Variants in TMEM231 observed in about 807,000 individuals in gnomAD.
TMEM231 encodes transmembrane protein 231.
TMEM231 carries 40 observed loss-of-function variants against 38.5 expected under a neutral mutation model. The ratio of observed to expected loss-of-function variants is 1.04; its 90% CI spans 0.81 to 1.35. TMEM231 has a LOEUF of 1.35. TMEM231 is among the 40% of genes most tolerant of loss of function. The pLI is 0.00. For synonymous variants in TMEM231, 199 were observed against 181.7 expected, an observed-to-expected ratio of 1.10 and a Z score of -0.77; for missense variants, 420 against 416.9, an observed-to-expected ratio of 1.01 and a Z score of -0.07.
intron 2 of TMEM231, among the ~76,000 whole-genome samples, chr16:75,548,367 C>G (rs1309991841): frequency 2.0e-5 from 3 of 152,188 alleles, no homozygotes; most frequent in African/African-American, 2.4e-5. Flanking sequence ...ATAGTGTCTA[C>G]TTGTTAAATT....
At chr16:75,553,587 A>C (rs2080783346) in intron 2 of TMEM231, among the ~76,000 whole-genome samples, 1 of 148,588 alleles carries the variant, frequency 6.7e-6, no homozygotes, top group Non-Finnish European at 1.5e-5. Context: ...GTGCCACTGC[A>C]TTCCAGCCTG....
In TMEM231 at chr16:75,540,170, G is replaced by A; in HGVS notation, c.775C>T (p.Gln259Ter). Residue 259 changes from glutamine to a stop codon, truncating the protein, a stop_gained, in exon 7 of 7, where the codon CAG (glutamine) becomes TAG (stop). Coordinates refer to ENST00000258173, the MANE Select transcript of TMEM231 (RefSeq NM_001077418.3). LOFTEE classifies it high-confidence loss of function. ...TTTACCATCTCCCAGAATCCTGGCT[G>A]ATAAGTATGGACAGTTAAGGAGTGA... ...IRYPVEVISY[Q>*]PGFWEMVKFA... 6.2e-7 allele frequency: 1 copy of A among 1,612,048 alleles called. No homozygotes were observed. Among genetic ancestry groups the A allele is most frequent in the Non-Finnish European group, 8.5e-7 (1 of 1,178,998 alleles).
In TMEM231 at chr16:75,537,252, C is replaced by G. The variant is rs943553535; in HGVS notation, c.*2742G>C. On this transcript the variant is annotated 3_prime_UTR_variant, in exon 7 of 7. Coordinates refer to ENST00000258173, the MANE Select transcript of TMEM231 (RefSeq NM_001077418.3). Reference sequence around the variant, plus strand: ...TTGTACAATTTAGCTATATACGAAACCCATACATATACCCCATGAGTCTAC... The same window carrying G: ...TTGTACAATTTAGCTATATACGAAAGCCATACATATACCCCATGAGTCTAC... The G allele has an allele frequency of 6.9e-6, 1 of 144,630 alleles. No individual in the cohort carries two copies. Among genetic ancestry groups the G allele is most frequent in the African/African-American group, 2.5e-5 (1 of 40,156 alleles). The allele number at this position is 144,630 out of a possible 1,614,324, so 9.0% of individuals were successfully genotyped here.
chr16:75,554,559 A>AG (rs1555505371), intron 2 of TMEM231, among the ~76,000 whole-genome samples: 75 of 140,800 alleles, frequency 5.3e-4, no homozygotes, highest in East Asian at 1.8e-3. Flanking sequence ...AAAAAAAAAA[A>AG]AAAAGAAAAG....
intron 6 of TMEM231, among the ~76,000 whole-genome samples, chr16:75,540,842 A>G (rs965863091): frequency 1.3e-5 from 2 of 152,234 alleles, no homozygotes; most frequent in African/African-American, 4.8e-5. Flanking sequence ...TGAATAGCAG[A>G]CATACAGTCA....
intron 2 of TMEM231, among the ~76,000 whole-genome samples, chr16:75,553,991 C>A (rs1047008014): frequency 2.0e-5 from 3 of 152,152 alleles, no homozygotes; most frequent in African/African-American, 7.2e-5. Flanking sequence ...CCCACCATCC[C>A]CTATCACATA....
rs1411415247 is a variant in TMEM231 at position 75,555,942 on chromosome 16, C to T, written c.171G>A (p.Glu57=). The part of the protein sequence containing the change: ...GFWLKRSSYE[E]QPTVRFQHQV... ...GGTGTTGGAAGCGCACGGTCGGCTG[C>T]TCCTCGTAGCTGCTCCGCTTCAGCC... The change falls in exon 2 of 7, where the codon GAG becomes GAA. Residue 57 remains glutamate, a synonymous_variant. Coordinates refer to ENST00000258173, the MANE Select transcript of TMEM231 (RefSeq NM_001077418.3). The T allele has an allele frequency of 1.9e-6, 3 of 1,604,292 alleles. No individual in the cohort carries two copies. The Admixed American group carries it at 5.1e-5, about 27-fold the overall frequency.
rs575166497 is a variant in TMEM231 at position 75,537,677 on chromosome 16, G to C, written c.*2317C>G. 15 of 152,242 alleles carry C rather than the reference G, an allele frequency of 9.9e-5. No individual in the cohort carries two copies. The highest frequency in any genetic ancestry group is 3.6e-4 in the African/African-American group (15 of 41,544). The allele number at this position is 152,242 out of a possible 1,614,324, so 9.4% of individuals were successfully genotyped here. On this transcript the variant is annotated 3_prime_UTR_variant, in exon 7 of 7. Transcript: ENST00000258173. ...AATTTTTGTATTTTTAGTGGAGATG[G>C]GGTTTCACCATGTTGGCCAGGATGG...
rs770216330 is a variant in TMEM231, at chr16:75,555,833, C to T, written c.280G>A (p.Gly94Arg). The T allele has an allele frequency of 2.5e-6, 4 of 1,574,084 alleles. No homozygotes were observed. In the South Asian group the frequency reaches 4.7e-5, roughly 19 times the overall value. Residue 94 changes from glycine (G) to arginine (R), a missense_variant, in exon 2 of 7, where the codon GGG (glycine) becomes AGG (arginine). By Grantham distance (125) the Gly-to-Arg change is moderately radical. Coordinates refer to ENST00000258173, the MANE Select transcript of TMEM231 (RefSeq NM_001077418.3). ...STFPAFNRLQ[G>R]DRLRVPLVST... ...ACGAGCGGGACGCGCAGGCGATCCC[C>T]TTGCAGCCGGTTGAAGGCGGGGAAC...
chr16:75,552,892 C>T (rs376700089), intron 2 of TMEM231, among the ~76,000 whole-genome samples: 277 of 152,322 alleles, frequency 1.8e-3, no homozygotes, highest in African/African-American at 6.3e-3. Context: ...CCTTCTATAA[C>T]CTTCAGTCCC....
intron 2 of TMEM231, chr16:75,555,552 C>T: frequency 2.2e-6 from 1 of 459,878 alleles, no homozygotes; most frequent in Non-Finnish European, 3.8e-6. Context: ...CTTCTGGACT[C>T]TGTGTCAGGG....
At chr16:75,549,563 C>A (rs1301293236) in intron 2 of TMEM231, among the ~76,000 whole-genome samples, 1 of 152,172 alleles carries the variant, frequency 6.6e-6, no homozygotes, top group African/African-American at 2.4e-5. Flanking sequence ...GGACAAGGAT[C>A]TTGGTTTGCT....
intron 2 of TMEM231, among the ~76,000 whole-genome samples, chr16:75,553,621 CAAAAAAA>C (rs60225459): frequency 2.2e-4 from 20 of 91,624 alleles, no homozygotes; most frequent in Admixed American, 2.1e-3. Flanking sequence ...AACTCTGTTG[CAAAAAAA>C]AAAAAAAAAA....
chr16:75,552,112 C>T (rs2080769274), intron 2 of TMEM231, among the ~76,000 whole-genome samples: 1 of 152,052 alleles, frequency 6.6e-6, no homozygotes, highest in Admixed American at 6.6e-5. Context: ...GTCCTTTGTG[C>T]CATCAAACAT....
chr16:75,548,128 G>A (rs2080715759), intron 2 of TMEM231, among the ~76,000 whole-genome samples: 1 of 152,138 alleles, frequency 6.6e-6, no homozygotes, highest in African/African-American at 2.4e-5. Flanking sequence ...ATTTATCAGA[G>A]GTACAGCAAG....
intron 2 of TMEM231, among the ~76,000 whole-genome samples, chr16:75,551,350 A>G (rs1262016738): frequency 1.3e-5 from 2 of 152,116 alleles, no homozygotes; most frequent in East Asian, 3.9e-4. Context: ...GGCATTCACC[A>G]CTACCCCTGG....
At chr16:75,540,623 G>A (rs2550910) in intron 6 of TMEM231, among the ~76,000 whole-genome samples, 4 of 152,048 alleles carry the variant, frequency 2.6e-5, no homozygotes, top group Non-Finnish European at 5.9e-5. Context: ...CTTCTCTGCA[G>A]TGTTGGTGTT....
At chr16:75,540,312 G>A (rs2151697911) in intron 6 of TMEM231, 138 bp from the exon 7 acceptor site, 11 of 835,052 alleles carry the variant, frequency 1.3e-5, no homozygotes, top group South Asian at 2.1e-5. Flanking sequence ...AAGCTGACCT[G>A]AACTTGGCCA....
chr16:75,540,844 A>T (rs750857143), intron 6 of TMEM231, among the ~76,000 whole-genome samples: 56 of 152,328 alleles, frequency 3.7e-4, no homozygotes, highest in African/African-American at 1.2e-3. Context: ...AATAGCAGAC[A>T]TACAGTCATT....
Sources: gnomAD v4.1 joint callset for allele counts (sites outside exome capture counted in the v4.1 genomes callset) on GRCh38, gnomAD v4.1.1 for gene constraint, MANE v1.5 for transcripts, NCBI Gene and HGNC (gene_info 2026-07-23, HGNC 2026-07-21) for gene names.